TIAM2: variants seen among roughly 807,000 people sequenced by gnomAD.
TIAM2 encodes TIAM Rac1 associated GEF 2.
TIAM2 carries 80 observed loss-of-function variants against 152.9 expected under a neutral mutation model. The observed-to-expected ratio is 0.52, with a 90% confidence interval of 0.44 to 0.63. The LOEUF is 0.63. TIAM2 is among the 30% of genes least tolerant of loss of function. TIAM2 has a pLI of 0.00. For missense variants in TIAM2, 1,965 were observed against 2,120.1 expected, an observed-to-expected ratio of 0.93 and a Z score of 1.44; for synonymous variants, 804 against 838.0, an observed-to-expected ratio of 0.96 and a Z score of 0.70.
chr6:155,077,929 T>G (rs1042451140), intron 1 of TIAM2, among the ~76,000 whole-genome samples: 9 of 152,236 alleles, frequency 5.9e-5, no homozygotes, highest in African/African-American at 1.9e-4. Flanking sequence ...AAACACACTT[T>G]TGGATTTAAC....
intron 7 of TIAM2, among the ~76,000 whole-genome samples, chr6:155,154,255 A>G (rs1298071534): frequency 6.6e-6 from 1 of 152,212 alleles, no homozygotes; most frequent in South Asian, 2.1e-4. Context: ...AGTCATTTCT[A>G]GCCTAAAAAT....
intron 2 of TIAM2, among the ~76,000 whole-genome samples, chr6:155,116,629 C>G (rs6905923): frequency 0.043 from 6,611 of 152,248 alleles, 475 homozygotes; most frequent in African/African-American, 0.15. Flanking sequence ...ACGGTATCTG[C>G]TTCTGATGTA....
intron 15 of TIAM2, among the ~76,000 whole-genome samples, chr6:155,238,835 ACTT>A (rs141805503): frequency 6.6e-6 from 1 of 152,236 alleles, no homozygotes; most frequent in African/African-American, 2.4e-5. Flanking sequence ...AACTGTTTCT[ACTT>A]CTTTGGAGAA....
intron 1 of TIAM2, among the ~76,000 whole-genome samples, chr6:155,030,794 C>T (rs1439042131): frequency 6.6e-6 from 1 of 152,124 alleles, no homozygotes; most frequent in Non-Finnish European, 1.5e-5. Flanking sequence ...TGGCCCTGAG[C>T]TCAACCAGGG....
intron 1 of TIAM2, among the ~76,000 whole-genome samples, chr6:155,004,143 T>G (rs1425312619): frequency 1.3e-5 from 2 of 152,204 alleles, no homozygotes; most frequent in African/African-American, 2.4e-5. Context: ...CCGAAAGTAC[T>G]GGGATTACAG....
At chr6:155,203,626 A>T (rs1265262458) in intron 14 of TIAM2, among the ~76,000 whole-genome samples, 1 of 152,194 alleles carries the variant, frequency 6.6e-6, no homozygotes, top group African/African-American at 2.4e-5. Context: ...ATTATTTTTT[A>T]GATTTTTTTC....
At chr6:155,027,877 T>C (rs1776644033) in intron 1 of TIAM2, among the ~76,000 whole-genome samples, 1 of 103,466 alleles carries the variant, frequency 9.7e-6, no homozygotes, top group African/African-American at 4.5e-5. Flanking sequence ...CTATATAATA[T>C]ATGTACTGTG....
chr6:155,127,501 G>A lies in TIAM2; in HGVS notation c.-106G>A. On this transcript the variant is annotated 5_prime_UTR_variant, in exon 3 of 27. An upstream start codon of the reference 5' UTR is lost. Transcript: ENST00000682666. Reference sequence around the variant, plus strand: ...TTTCTGTTTTTCAGGCTCACTTCATGGACTCACTTTGCGTGCTTGTTAAAT... The same window carrying A: ...TTTCTGTTTTTCAGGCTCACTTCATAGACTCACTTTGCGTGCTTGTTAAAT... 1 of 450,720 alleles carries A rather than the reference G, an allele frequency of 2.2e-6. No individual in the cohort carries two copies. The highest frequency in any genetic ancestry group is 4.4e-6 in the Non-Finnish European group (1 of 225,272). 27.9% of individuals were successfully genotyped at this position (450,720 alleles called of 1,614,324 possible). A position where few individuals can be genotyped will look rare whatever the true frequency, so the allele number is the denominator to read the frequency against.
At chr6:155,118,119 G>T (rs1273378141) in intron 2 of TIAM2, among the ~76,000 whole-genome samples, 1 of 152,184 alleles carries the variant, frequency 6.6e-6, no homozygotes, top group Non-Finnish European at 1.5e-5. Context: ...AGTGGGTAGG[G>T]GAGGGTGTAA....
chr6:155,197,487 C>T (rs991319029), intron 14 of TIAM2, among the ~76,000 whole-genome samples: 24 of 152,074 alleles, frequency 1.6e-4, no homozygotes, highest in African/African-American at 4.8e-4. Context: ...TGCCAGTCAC[C>T]GCATGTGTCC....
At chr6:155,155,887 A>G (rs1780095174) in intron 7 of TIAM2, among the ~76,000 whole-genome samples, 1 of 152,224 alleles carries the variant, frequency 6.6e-6, no homozygotes, top group African/African-American at 2.4e-5. Flanking sequence ...CAAAGAAGTC[A>G]CTGTCTCTGC....
At chr6:155,211,409 G>C (rs1781714945) in intron 15 of TIAM2, 102 bp downstream of exon 15, 1 of 823,518 alleles carries the variant, frequency 1.2e-6, no homozygotes, top group Middle Eastern at 2.4e-4. Context: ...CCTATCTCTA[G>C]GTCCAGCAGT....
At chr6:155,070,947 C>T (rs574564974) in intron 1 of TIAM2, among the ~76,000 whole-genome samples, 56 of 152,126 alleles carry the variant, frequency 3.7e-4, no homozygotes, top group Non-Finnish European at 6.6e-4. Context: ...CAAAGTGGGT[C>T]GTTCACTTGA....
intron 2 of TIAM2, among the ~76,000 whole-genome samples, chr6:155,103,723 CAAAAAAAAAAAAA>C (rs759945340): frequency 1.7e-5 from 1 of 59,874 alleles, no homozygotes; most frequent in Non-Finnish European, 2.9e-5. Flanking sequence ...GACTCTGTCT[CAAAAAAAAAAAAA>C]AAAAAAAAAG....
intron 14 of TIAM2, among the ~76,000 whole-genome samples, chr6:155,189,750 G>T (rs1165954759): frequency 1.3e-5 from 2 of 152,064 alleles, no homozygotes; most frequent in African/African-American, 4.8e-5. Context: ...GCAATGAAGA[G>T]AATTAGAGGT....
chr6:155,013,991 A>G (rs993277975), intron 1 of TIAM2: 2 of 149,918 alleles, frequency 1.3e-5, no homozygotes, highest in Admixed American at 6.7e-5. Flanking sequence ...TGTGTCTACC[A>G]GCAAGAAAAG....
In TIAM2 at chr6:155,221,835, C is replaced by T. The variant is rs555957915; in HGVS notation, c.3168+10528C>T. Among the ~76,000 whole-genome samples the T allele has an allele frequency of 9.2e-5, 14 of 152,160 alleles. No individual in the cohort carries two copies. In the East Asian group the frequency reaches 2.7e-3, roughly 29 times the overall value. ...GAATTAGAGATGGAGCTATGGAGACCTTGATATAATTTTGCTTTCTGTGGG... is the reference window on the plus strand; with the variant it reads ...GAATTAGAGATGGAGCTATGGAGACTTTGATATAATTTTGCTTTCTGTGGG... On this transcript the variant is annotated intron_variant, in intron 15 of 26. Transcript: ENST00000682666.
intron 14 of TIAM2, among the ~76,000 whole-genome samples, chr6:155,183,893 G>T (rs6904175): frequency 0.089 from 13,530 of 152,170 alleles, 810 homozygotes; most frequent in African/African-American, 0.17. Flanking sequence ...CTTCTGTTGG[G>T]CTCTTAGAAC....
At chr6:155,178,165 T>TAAAAAAAAAAAA (rs557378875) in intron 10 of TIAM2, among the ~76,000 whole-genome samples, 1 of 83,286 alleles carries the variant, frequency 1.2e-5, no homozygotes, top group African/African-American at 4.2e-5. Flanking sequence ...CGTCTCAAAT[T>TAAAAAAAAAAAA]AAAAAAAAAA....
Sources: gnomAD v4.1 joint callset for allele counts (sites outside exome capture counted in the v4.1 genomes callset) on GRCh38, gnomAD v4.1.1 for gene constraint, MANE v1.5 for transcripts, NCBI Gene and HGNC (gene_info 2026-07-23, HGNC 2026-07-21) for gene names.